Variants in THSD7B observed in about 807,000 individuals in gnomAD.
THSD7B encodes thrombospondin type-1 domain-containing protein 7B.
THSD7B carries 138 observed loss-of-function variants against 213.6 expected under a neutral mutation model. That is an observed-to-expected ratio of 0.65 (90% CI 0.56 to 0.74). The LOEUF (loss-of-function observed/expected upper bound fraction) is 0.74, where lower values mean the gene tolerates loss of function less well. Among genes scored for constraint, THSD7B ranks in the 30% least tolerant of loss-of-function variants. The pLI, the probability that THSD7B is intolerant of heterozygous loss-of-function variation, is 0.00. For missense variants in THSD7B, 1,931 were observed against 1,991.5 expected, an observed-to-expected ratio of 0.97 and a Z score of 0.58; for synonymous variants, 742 against 687.0, an observed-to-expected ratio of 1.08 and a Z score of -1.25.
At chr2:136,766,413 A>AG (rs1301456557) in intron 1 of THSD7B, among the ~76,000 whole-genome samples, 2 of 141,688 alleles carry the variant, frequency 1.4e-5, no homozygotes, top group Non-Finnish European at 1.5e-5. Context: ...AGGGGCAGGG[A>AG]GGGGGGGACA....
chr2:137,103,498 G>A (rs540269378), intron 4 of THSD7B, among the ~76,000 whole-genome samples: 2 of 152,234 alleles, frequency 1.3e-5, no homozygotes, highest in East Asian at 3.9e-4. Flanking sequence ...TAACCAGCTA[G>A]CATCATAATG....
chr2:136,869,547 C>T (rs1214114202), intron 1 of THSD7B, among the ~76,000 whole-genome samples: 2 of 152,094 alleles, frequency 1.3e-5, no homozygotes, highest in Non-Finnish European at 2.9e-5. Context: ...TATTAATTAA[C>T]GATAACAGTC....
chr2:137,294,223 C>G (rs1367641053), intron 12 of THSD7B, among the ~76,000 whole-genome samples: 2 of 152,050 alleles, frequency 1.3e-5, no homozygotes, highest in African/African-American at 4.8e-5. Context: ...CAGGGTAGTC[C>G]TGCCTTAGCT....
At chr2:137,675,124 C>CTATT (rs1023158916) in intron 27 of THSD7B, among the ~76,000 whole-genome samples, 3 of 151,830 alleles carry the variant, frequency 2.0e-5, no homozygotes, top group African/African-American at 7.3e-5. Flanking sequence ...ATATCAAAAT[C>CTATT]TATTTGGGCA....
At chr2:136,893,680 A>G (rs1011338198) in intron 2 of THSD7B, among the ~76,000 whole-genome samples, 9 of 152,208 alleles carry the variant, frequency 5.9e-5, no homozygotes, top group African/African-American at 2.2e-4. Flanking sequence ...AGTTTTTAAA[A>G]GCCCACCTTC....
At chr2:137,343,672 TCTG>T (rs1245734473) in intron 12 of THSD7B, among the ~76,000 whole-genome samples, 3 of 151,766 alleles carry the variant, frequency 2.0e-5, no homozygotes, top group Non-Finnish European at 4.4e-5. Flanking sequence ...GTTTTAAAAT[TCTG>T]CTTAAAGGAG....
intron 2 of THSD7B, among the ~76,000 whole-genome samples, chr2:136,914,776 A>G (rs1387501377): frequency 6.6e-6 from 1 of 151,946 alleles, no homozygotes; most frequent in Non-Finnish European, 1.5e-5. Context: ...TTTTTTCCCC[A>G]GTCTTGGGTA....
intron 1 of THSD7B, among the ~76,000 whole-genome samples, chr2:136,819,041 C>T (rs770458616): frequency 2.0e-5 from 3 of 152,158 alleles, no homozygotes; most frequent in Non-Finnish European, 2.9e-5. Flanking sequence ...TCATGTAAAA[C>T]GAACTGAGCG....
intron 5 of THSD7B, among the ~76,000 whole-genome samples, chr2:137,118,592 T>G: frequency 6.6e-6 from 1 of 152,190 alleles, no homozygotes; most frequent in East Asian, 1.9e-4. Context: ...GATTTTCTAC[T>G]GATAGCATAT....
At position 137,296,157 on chromosome 2, in the gene THSD7B, C is replaced by T. The variant is rs533249150; in HGVS notation, c.2500+20131C>T. ...TATTCCATATTGCAAATTTCTTTTG[C>T]ATGTTTTATATTGACCCAAAAGCTT... On this transcript the variant is annotated intron_variant, in intron 12 of 27. Coordinates refer to ENST00000409968, the MANE Select transcript of THSD7B (RefSeq NM_001316349.2). Among the ~76,000 whole-genome samples the T allele has an allele frequency of 2.0e-5, 3 of 152,162 alleles. No individual in the cohort carries two copies. In the East Asian group the frequency reaches 5.8e-4, roughly 29 times the overall value.
rs193051591 is a variant in THSD7B at position 137,186,311 on chromosome 2, C to T, written c.1723+15373C>T. Reference sequence around the variant, plus strand: ...TAGCCATAAATTATTTGCCAAAGCCCGTGTTGTGAAGGGTATTTCCTAGGT... The same window carrying T: ...TAGCCATAAATTATTTGCCAAAGCCTGTGTTGTGAAGGGTATTTCCTAGGT... On this transcript the variant is annotated intron_variant, in intron 7 of 27. Transcript: ENST00000409968. Among the ~76,000 whole-genome samples, 10 of 152,080 alleles carry T rather than the reference C, an allele frequency of 6.6e-5. No individual in the cohort carries two copies. In the East Asian group the frequency reaches 7.7e-4, roughly 12 times the overall value.
chr2:136,905,942 A>C (rs1468512152), intron 2 of THSD7B, among the ~76,000 whole-genome samples: 1 of 152,200 alleles, frequency 6.6e-6, no homozygotes, highest in Non-Finnish European at 1.5e-5. Flanking sequence ...CTTACAGCTA[A>C]AGGCAGAATC....
intron 1 of THSD7B, among the ~76,000 whole-genome samples, chr2:136,828,229 C>A (rs911623565): frequency 6.6e-6 from 1 of 152,168 alleles, no homozygotes; most frequent in African/African-American, 2.4e-5. Flanking sequence ...ATCATCCTCT[C>A]TTTCTCTGGG....
At chr2:137,543,141 C>A (rs1680639212) in intron 15 of THSD7B, among the ~76,000 whole-genome samples, 1 of 151,730 alleles carries the variant, frequency 6.6e-6, no homozygotes, top group African/African-American at 2.4e-5. Flanking sequence ...CATTTTCACA[C>A]CCGCTTCTCC....
chr2:137,348,753 G>A (rs151333892), intron 12 of THSD7B, among the ~76,000 whole-genome samples: 68 of 143,144 alleles, frequency 4.8e-4, no homozygotes, highest in African/African-American at 1.7e-3. Context: ...TAGGGGCATG[G>A]GAGTGGAGGG....
chr2:137,145,209 CAT>C (rs980297616), intron 5 of THSD7B, among the ~76,000 whole-genome samples: 7 of 151,910 alleles, frequency 4.6e-5, no homozygotes, highest in African/African-American at 1.7e-4. Context: ...TATAAAATAA[CAT>C]AACTATAGAT....
chr2:137,045,629 C>T (rs1250729933), intron 2 of THSD7B, among the ~76,000 whole-genome samples: 1 of 152,176 alleles, frequency 6.6e-6, no homozygotes, highest in African/African-American at 2.4e-5. Flanking sequence ...ATAATAGAAT[C>T]TGATATGCAA....
chr2:137,275,810 C>A, intron 11 of THSD7B, 113 bp from the exon 12 acceptor site: 1 of 723,356 alleles, frequency 1.4e-6, no homozygotes, highest in Non-Finnish European at 2.2e-6. Flanking sequence ...ATTTCATATC[C>A]ATTTTTATTG....
At chr2:137,298,256 G>T (rs1433761424) in intron 12 of THSD7B, among the ~76,000 whole-genome samples, 1 of 152,110 alleles carries the variant, frequency 6.6e-6, no homozygotes, top group Non-Finnish European at 1.5e-5. Flanking sequence ...CTAGAGATTT[G>T]TGGAACTTTG....
Sources: gnomAD v4.1 joint callset for allele counts (sites outside exome capture counted in the v4.1 genomes callset) on GRCh38, gnomAD v4.1.1 for gene constraint, MANE v1.5 for transcripts, NCBI Gene and HGNC (gene_info 2026-07-23, HGNC 2026-07-21) for gene names.